The following SIPA1L1 variants were observed in gnomAD, a reference collection of about 807,000 sequenced individuals.
SIPA1L1 encodes signal-induced proliferation-associated 1-like protein 1.
A neutral mutation model predicts 162.7 loss-of-function variants in SIPA1L1; 26 were observed. That is an observed-to-expected ratio of 0.16 (90% confidence interval 0.12 to 0.22). The LOEUF is 0.22. SIPA1L1 is among the 10% of genes least tolerant of loss of function. The probability of loss-of-function intolerance (pLI) is 1.00; values close to 1 mark genes in which losing one functional copy is unlikely to be tolerated. For missense variants in SIPA1L1, 1,874 were observed against 2,241.0 expected, an observed-to-expected ratio of 0.84 and a Z score of 3.31; for synonymous variants, 829 against 837.4, an observed-to-expected ratio of 0.99 and a Z score of 0.17.
At chr14:71,449,972 C>T (rs1420301534) in intron 2 of SIPA1L1, among the ~76,000 whole-genome samples, 1 of 152,100 alleles carries the variant, frequency 6.6e-6, no homozygotes, top group Non-Finnish European at 1.5e-5. Flanking sequence ...CAGGAACTGT[C>T]TTTTTCTCAG....
At chr14:71,538,251 C>A (rs368632308) in intron 4 of SIPA1L1, among the ~76,000 whole-genome samples, 1 of 152,038 alleles carries the variant, frequency 6.6e-6, no homozygotes, top group Non-Finnish European at 1.5e-5. Flanking sequence ...TTGGTCCCAG[C>A]GAGGTGATTT....
chr14:71,513,720 C>T (rs889216728), intron 3 of SIPA1L1, among the ~76,000 whole-genome samples: 3 of 152,000 alleles, frequency 2.0e-5, no homozygotes, highest in African/African-American at 7.2e-5. Context: ...CTCAAACACC[C>T]GAGCTCTAGT....
At chr14:71,454,618 G>T (rs1280968230) in intron 2 of SIPA1L1, among the ~76,000 whole-genome samples, 2 of 152,178 alleles carry the variant, frequency 1.3e-5, no homozygotes, top group Non-Finnish European at 2.9e-5. Flanking sequence ...TCGAAGAATG[G>T]AATAGACACT....
chr14:71,445,781 A>G (rs1016606221), intron 2 of SIPA1L1, among the ~76,000 whole-genome samples: 1 of 152,226 alleles, frequency 6.6e-6, no homozygotes, highest in African/African-American at 2.4e-5. Flanking sequence ...AAAGTAAGTA[A>G]TTTAGATATT....
At chr14:71,416,720 TACACAC>T (rs3085177) in intron 2 of SIPA1L1, among the ~76,000 whole-genome samples, 1,483 of 147,828 alleles carry the variant, frequency 0.01, 8 homozygotes, top group African/African-American at 0.032. Context: ...AAGAAAAATC[TACACAC>T]ACACACACAC....
intron 21 of SIPA1L1, 134 bp from the exon 22 acceptor site, chr14:71,735,143 G>A (rs774169551): frequency 1.7e-5 from 11 of 654,914 alleles, no homozygotes; most frequent in Non-Finnish European, 2.8e-5. Context: ...GTGAGGGTTG[G>A]GAAATAAGAT....
At chr14:71,518,281 C>CAA (rs71448370) in intron 3 of SIPA1L1, among the ~76,000 whole-genome samples, 1,442 of 139,024 alleles carry the variant, frequency 0.01, 12 homozygotes, top group Admixed American at 0.014. Context: ...GAGACTGTCT[C>CAA]AAAAAAAAAA....
At chr14:71,435,831 G>T (rs1291596250) in intron 2 of SIPA1L1, among the ~76,000 whole-genome samples, 1 of 152,160 alleles carries the variant, frequency 6.6e-6, no homozygotes, top group Non-Finnish European at 1.5e-5. Context: ...ATCCTCTCCA[G>T]CACCTGTTGT....
intron 4 of SIPA1L1, among the ~76,000 whole-genome samples, chr14:71,548,870 C>A (rs1233822350): frequency 7.0e-6 from 1 of 143,264 alleles, no homozygotes; most frequent in Non-Finnish European, 1.5e-5. Context: ...TGTACTCCAG[C>A]CTGGAGACTG....
chr14:71,630,987 A>G (rs917821316), intron 7 of SIPA1L1, among the ~76,000 whole-genome samples: 4 of 151,960 alleles, frequency 2.6e-5, no homozygotes, highest in Non-Finnish European at 4.4e-5. Flanking sequence ...CTTGTCATTT[A>G]TACTAGGCAT....
chr14:71,645,543 G>C (rs1474365491), intron 7 of SIPA1L1, among the ~76,000 whole-genome samples: 1 of 152,124 alleles, frequency 6.6e-6, no homozygotes, highest in Non-Finnish European at 1.5e-5. Flanking sequence ...TCATCACATG[G>C]AATATTAAAA....
intron 4 of SIPA1L1, among the ~76,000 whole-genome samples, chr14:71,557,077 A>G (rs1189433562): frequency 6.6e-6 from 1 of 152,222 alleles, no homozygotes; most frequent in African/African-American, 2.4e-5. Context: ...AACTGTGGAC[A>G]AAAACCAATA....
intron 2 of SIPA1L1, among the ~76,000 whole-genome samples, chr14:71,485,347 G>A (rs954530440): frequency 6.6e-6 from 1 of 152,196 alleles, no homozygotes; most frequent in East Asian, 1.9e-4. Context: ...TGCGTAGCAG[G>A]AGGTGAGCAG....
chr14:71,482,651 A>G (rs778943139), intron 2 of SIPA1L1, among the ~76,000 whole-genome samples: 18 of 152,148 alleles, frequency 1.2e-4, no homozygotes, highest in Non-Finnish European at 1.9e-4. Flanking sequence ...AGAATTTAGT[A>G]CTTTTTTCAT....
intron 2 of SIPA1L1, among the ~76,000 whole-genome samples, chr14:71,472,402 T>G (rs543810016): frequency 6.6e-6 from 1 of 151,798 alleles, no homozygotes; most frequent in Non-Finnish European, 1.5e-5. Context: ...GCTGCTGTTA[T>G]AATATGTTAC....
At chr14:71,711,399 T>C (rs115632853) in intron 17 of SIPA1L1, among the ~76,000 whole-genome samples, 5 of 152,346 alleles carry the variant, frequency 3.3e-5, no homozygotes, top group African/African-American at 1.2e-4. Flanking sequence ...TTAGAACATT[T>C]TGCATATCTG....
chr14:71,563,209 T>C (rs2056930182), intron 4 of SIPA1L1, among the ~76,000 whole-genome samples: 1 of 152,224 alleles, frequency 6.6e-6, no homozygotes, highest in Non-Finnish European at 1.5e-5. Flanking sequence ...TATTTATTAC[T>C]ACTTGACATA....
intron 20 of SIPA1L1, among the ~76,000 whole-genome samples, chr14:71,731,218 T>C (rs2084740096): frequency 6.6e-6 from 1 of 152,202 alleles, no homozygotes; most frequent in Admixed American, 6.5e-5. Context: ...ATTTTTGAGC[T>C]CTCAGCCCAC....
chr14:71,590,040 AAAAAAT>A (rs1173840056), intron 5 of SIPA1L1, among the ~76,000 whole-genome samples: 230 of 64,572 alleles, frequency 3.6e-3, no homozygotes, highest in African/African-American at 0.015. Context: ...AAAAAAAAAA[AAAAAAT>A]ATATATATAT....
Sources: allele counts gnomAD v4.1 joint callset (sites outside exome capture counted in the v4.1 genomes callset), GRCh38; gene constraint gnomAD v4.1.1; transcripts MANE v1.5; gene names NCBI Gene and HGNC (gene_info 2026-07-23, HGNC 2026-07-21).